The following NRXN3 variants were observed in gnomAD, a reference collection of about 807,000 sequenced individuals.
NRXN3 encodes the protein neurexin III.
NRXN3 carries 32 observed loss-of-function variants against 137.6 expected under a neutral mutation model. The ratio of observed to expected loss-of-function variants is 0.23; its 90% CI spans 0.18 to 0.31. The LOEUF (loss-of-function observed/expected upper bound fraction) is 0.31. NRXN3 is among the 10% of genes least tolerant of loss of function. The pLI, the probability that NRXN3 is intolerant of heterozygous loss-of-function variation, is 1.00. For missense variants in NRXN3, 1,574 were observed against 2,062.5 expected, an observed-to-expected ratio of 0.76 and a Z score of 4.59; for synonymous variants, 798 against 784.5, an observed-to-expected ratio of 1.02 and a Z score of -0.29.
At chr14:78,348,031 G>A (rs149319839) in intron 4 of NRXN3, among the ~76,000 whole-genome samples, 1 of 152,216 alleles carries the variant, frequency 6.6e-6, no homozygotes, top group African/African-American at 2.4e-5. Context: ...TTGTAGATGA[G>A]GAAACTGATG....
intron 4 of NRXN3, among the ~76,000 whole-genome samples, chr14:78,532,525 C>G (rs1284141948): frequency 6.6e-6 from 1 of 151,718 alleles, no homozygotes; most frequent in African/African-American, 2.4e-5. Flanking sequence ...AGTTCCTTCT[C>G]TCCTATCTTT....
chr14:78,447,047 T>C (rs2094438490), intron 4 of NRXN3, among the ~76,000 whole-genome samples: 1 of 152,182 alleles, frequency 6.6e-6, no homozygotes, highest in Non-Finnish European at 1.5e-5. Context: ...TGGTACTACA[T>C]GGTCACTCTC....
chr14:78,196,331 G>T (rs1358181954), intron 1 of NRXN3, among the ~76,000 whole-genome samples: 1 of 152,234 alleles, frequency 6.6e-6, no homozygotes, highest in East Asian at 1.9e-4. Context: ...TCAGAAAATA[G>T]ACACTGAGCA....
chr14:79,743,550 G>T (rs2098969761), intron 19 of NRXN3, among the ~76,000 whole-genome samples: 1 of 152,110 alleles, frequency 6.6e-6, no homozygotes, highest in Non-Finnish European at 1.5e-5. Flanking sequence ...GTTTAGGATG[G>T]GTTCTGAGAA....
Position 79,836,333 on chromosome 14 carries a change from G to T in NRXN3, c.4094-25009G>T, listed in dbSNP as rs138003996. Among the ~76,000 whole-genome samples the T allele has an allele frequency of 1.2e-3, 182 of 152,264 alleles. 3 individuals are homozygous for T. The highest frequency in any genetic ancestry group is 4.0e-3 in the African/African-American group (166 of 41,562). On this transcript the variant is annotated intron_variant, in intron 20 of 20. Transcript: ENST00000335750. Reference sequence around the variant, plus strand: ...TTCCATATTTAAGACTAGAGGATCAGTTCTGATGATGCTCATTCAAACTCT... The same window carrying T: ...TTCCATATTTAAGACTAGAGGATCATTTCTGATGATGCTCATTCAAACTCT...
At chr14:79,791,523 ATAT>A (rs2099145422) in intron 19 of NRXN3, among the ~76,000 whole-genome samples, 1 of 120,032 alleles carries the variant, frequency 8.3e-6, no homozygotes, top group Non-Finnish European at 1.7e-5. Flanking sequence ...AATTAATTAT[ATAT>A]TATAATAATT....
intron 4 of NRXN3, among the ~76,000 whole-genome samples, chr14:78,397,456 G>A (rs796796021): frequency 9.6e-5 from 14 of 146,510 alleles, no homozygotes; most frequent in African/African-American, 3.8e-4. Context: ...CATTCACTGC[G>A]ATTTTTATTT....
chr14:78,742,510 G>A (rs1029921012), intron 8 of NRXN3, among the ~76,000 whole-genome samples: 17 of 152,166 alleles, frequency 1.1e-4, no homozygotes, highest in African/African-American at 4.1e-4. Context: ...TTTTGCTTAA[G>A]CATTAGTTAA....
intron 19 of NRXN3, among the ~76,000 whole-genome samples, chr14:79,759,769 T>C (rs949186778): frequency 2.6e-5 from 4 of 151,754 alleles, no homozygotes; most frequent in Non-Finnish European, 4.4e-5. Context: ...TAGAATGTCT[T>C]GATTAGGAAG....
intron 8 of NRXN3, among the ~76,000 whole-genome samples, chr14:78,725,813 G>A (rs940473615): frequency 6.6e-6 from 1 of 152,200 alleles, no homozygotes; most frequent in South Asian, 2.1e-4. Context: ...AAATTGCTGT[G>A]TAGAGTCTAT....
At chr14:79,116,367 C>T (rs1360532129) in intron 15 of NRXN3, among the ~76,000 whole-genome samples, 1 of 152,158 alleles carries the variant, frequency 6.6e-6, no homozygotes, top group African/African-American at 2.4e-5. Flanking sequence ...CTCCTGCATG[C>T]CCTTTCTCTT....
chr14:78,966,422 C>G lies in NRXN3; in HGVS notation c.2777+16C>G. 6.2e-7 allele frequency: 1 copy of G among 1,602,386 alleles called. No individual in the cohort carries two copies. The highest frequency in any genetic ancestry group is 2.2e-5 in the East Asian group (1 of 44,660). On this transcript the variant is annotated intron_variant, in intron 12 of 20. Coordinates refer to ENST00000335750, the MANE Select transcript of NRXN3 (RefSeq NM_001330195.2). ...TTGTCAAGGGGTAAGTAGAAGGGAT[C>G]ACGACTTATGTTGGACACCTTTAAT...
chr14:78,439,922 G>A (rs1233966897), intron 4 of NRXN3, among the ~76,000 whole-genome samples: 1 of 152,074 alleles, frequency 6.6e-6, no homozygotes, highest in Non-Finnish European at 1.5e-5. Flanking sequence ...CTCCTACCCT[G>A]ATCTGGACCC....
chr14:79,039,653 A>C (rs1039347018), intron 15 of NRXN3, among the ~76,000 whole-genome samples: 1 of 152,088 alleles, frequency 6.6e-6, no homozygotes, highest in African/African-American at 2.4e-5. Context: ...GCCAGGATTC[A>C]TGCAGTCCCT....
chr14:78,933,682 C>T (rs1171786350), intron 10 of NRXN3, among the ~76,000 whole-genome samples: 1 of 152,058 alleles, frequency 6.6e-6, no homozygotes, highest in Non-Finnish European at 1.5e-5. Context: ...TTGTTATTGA[C>T]ACTTCAAAAC....
At chr14:79,696,247 C>T (rs894528798) in intron 18 of NRXN3, among the ~76,000 whole-genome samples, 1 of 151,746 alleles carries the variant, frequency 6.6e-6, no homozygotes, top group African/African-American at 2.4e-5. Flanking sequence ...TGACAATATC[C>T]CTCTATTCAT....
chr14:79,817,724 C>T (rs560154068), intron 20 of NRXN3, among the ~76,000 whole-genome samples: 144 of 152,204 alleles, frequency 9.5e-4, no homozygotes, highest in African/African-American at 3.4e-3. Context: ...TCTTACGTAG[C>T]GCTTATTTTC....
chr14:78,270,929 A>C (rs965224751), intron 2 of NRXN3, among the ~76,000 whole-genome samples: 2 of 152,254 alleles, frequency 1.3e-5, no homozygotes, highest in Non-Finnish European at 2.9e-5. Flanking sequence ...TGCAGCCAGC[A>C]GAAGCAAGCT....
At chr14:78,348,941 T>C (rs1266843268) in intron 4 of NRXN3, among the ~76,000 whole-genome samples, 1 of 152,180 alleles carries the variant, frequency 6.6e-6, no homozygotes, top group Non-Finnish European at 1.5e-5. Flanking sequence ...TAAATGATCA[T>C]GTAAAGGTGG....
Sources: allele counts gnomAD v4.1 joint callset (sites outside exome capture counted in the v4.1 genomes callset), GRCh38; gene constraint gnomAD v4.1.1; transcripts MANE v1.5; gene names NCBI Gene and HGNC (gene_info 2026-07-23, HGNC 2026-07-21).